Variants in CSMD3 observed in about 807,000 individuals in gnomAD.
CSMD3 encodes the protein CUB and Sushi multiple domains 3, also known as CUB and sushi domain-containing protein 3.
In CSMD3, 177 loss-of-function variants were observed where a neutral mutation model predicts 435.2. That is an observed-to-expected ratio of 0.41 (90% confidence interval 0.36 to 0.46). CSMD3 has a LOEUF of 0.46. Among genes scored for constraint, CSMD3 ranks in the 20% least tolerant of loss-of-function variants. CSMD3 has a pLI of 0.34. For missense variants in CSMD3, 4,265 were observed against 4,504.6 expected, an observed-to-expected ratio of 0.95 and a Z score of 1.52; for synonymous variants, 1,656 against 1,520.5, an observed-to-expected ratio of 1.09 and a Z score of -2.07.
intron 32 of CSMD3, among the ~76,000 whole-genome samples, chr8:112,437,982 C>T (rs765552481): frequency 6.6e-6 from 1 of 152,080 alleles, no homozygotes; most frequent in Non-Finnish European, 1.5e-5. Context: ...TTTGCTGAGT[C>T]TCATCTACCC....
In CSMD3 at chr8:112,313,989, A is replaced by G. The variant is rs1822234368; in HGVS notation, c.7613T>C (p.Ile2538Thr). ...AAATACTTCATGACCATTGCTTGTT[A>G]TATTAAAAGCAGATGAATAATCCCC... is the stretch of plus-strand genomic sequence containing the variant. ...LSGDYSSAFN[I>T]TSNGHEVFLQ... The change falls in exon 49 of 71, where the codon ATA (isoleucine) becomes ACA (threonine). Residue 2538 changes from isoleucine to threonine, a missense_variant. By Grantham distance (89) the Ile-to-Thr change is moderately conservative (BLOSUM62 -1). Around this residue, in one of 3 missense-constraint regions of CSMD3, gnomAD observed 3,255 missense variants for 3,380.2 expected, o/e 0.96. Coordinates refer to ENST00000297405, the MANE Select transcript of CSMD3 (RefSeq NM_198123.2). 1 of 1,611,178 alleles carries G rather than the reference A, an allele frequency of 6.2e-7. No homozygotes were observed. Among genetic ancestry groups the G allele is most frequent in the African/African-American group, 1.3e-5 (1 of 74,984 alleles).
chr8:113,227,762 G>T (rs1276923849), intron 3 of CSMD3, among the ~76,000 whole-genome samples: 1 of 151,618 alleles, frequency 6.6e-6, no homozygotes, highest in African/African-American at 2.4e-5. Flanking sequence ...CAGTCATGTG[G>T]AACTGTGAGT....
intron 4 of CSMD3, among the ~76,000 whole-genome samples, chr8:113,137,447 T>G (rs1307819481): frequency 6.6e-6 from 1 of 151,720 alleles, no homozygotes; most frequent in Non-Finnish European, 1.5e-5. Context: ...CCAATGCAAT[T>G]GTGCTAGCTC....
chr8:112,954,565 T>G (rs572930139), intron 8 of CSMD3, 119 bp downstream of exon 8: 1 of 690,310 alleles, frequency 1.4e-6, no homozygotes. Context: ...GTTACACAGA[T>G]ATTAATGCAG....
At chr8:112,793,324 GAA>G (rs551463701) in intron 13 of CSMD3, among the ~76,000 whole-genome samples, 1 of 148,332 alleles carries the variant, frequency 6.7e-6, no homozygotes, top group Non-Finnish European at 1.5e-5. Context: ...TTCCTTTGCT[GAA>G]AAAAAAAGAG....
intron 20 of CSMD3, among the ~76,000 whole-genome samples, chr8:112,642,981 T>A (rs1055565057): frequency 1.3e-5 from 2 of 152,102 alleles, no homozygotes; most frequent in Non-Finnish European, 2.9e-5. Flanking sequence ...CCAGAGGAAG[T>A]TGATTAGAGT....
chr8:112,749,850 G>A (rs1186968687), intron 13 of CSMD3, among the ~76,000 whole-genome samples: 3 of 138,304 alleles, frequency 2.2e-5, no homozygotes, highest in Non-Finnish European at 4.6e-5. Flanking sequence ...ACCAAAAGAA[G>A]ACTAAAATAT....
At chr8:112,257,946 G>A (rs572576220) in intron 61 of CSMD3, among the ~76,000 whole-genome samples, 7 of 152,062 alleles carry the variant, frequency 4.6e-5, no homozygotes, top group Non-Finnish European at 1.0e-4. Context: ...TAGACCAATG[G>A]AACAGAACAG....
chr8:113,147,324 A>G (rs1023924572), intron 4 of CSMD3, among the ~76,000 whole-genome samples: 2 of 151,908 alleles, frequency 1.3e-5, no homozygotes, highest in Non-Finnish European at 2.9e-5. Context: ...TATATTGCAT[A>G]AAAGTTTTCA....
At chr8:112,730,888 A>G (rs1405717688) in intron 13 of CSMD3, among the ~76,000 whole-genome samples, 4 of 152,150 alleles carry the variant, frequency 2.6e-5, no homozygotes, top group African/African-American at 9.7e-5. Flanking sequence ...ATCCCAGGAA[A>G]CTGTTCACAG....
intron 18 of CSMD3, among the ~76,000 whole-genome samples, chr8:112,655,878 AAAT>A (rs935202507): frequency 3.9e-5 from 6 of 152,030 alleles, no homozygotes; most frequent in Non-Finnish European, 5.9e-5. Context: ...AACTATACAC[AAAT>A]AATTGGTACA....
intron 22 of CSMD3, among the ~76,000 whole-genome samples, chr8:112,608,599 T>TAC (rs1333365779): frequency 4.3e-4 from 65 of 151,724 alleles, no homozygotes; most frequent in African/African-American, 1.2e-3. Context: ...TATATATATA[T>TAC]ACATACACAC....
intron 1 of CSMD3, among the ~76,000 whole-genome samples, chr8:113,421,591 G>A (rs892996854): frequency 2.2e-4 from 33 of 152,004 alleles, no homozygotes; most frequent in African/African-American, 8.0e-4. Flanking sequence ...TGAAAGTTTG[G>A]CACTTTGGTA....
At chr8:113,036,698 T>C (rs976737262) in intron 5 of CSMD3, among the ~76,000 whole-genome samples, 3 of 152,202 alleles carry the variant, frequency 2.0e-5, no homozygotes, top group East Asian at 3.8e-4. Flanking sequence ...GCAAAACCTT[T>C]TGTAAAACTG....
intron 36 of CSMD3, among the ~76,000 whole-genome samples, chr8:112,388,912 T>A (rs527858695): frequency 6.6e-6 from 1 of 152,246 alleles, no homozygotes; most frequent in African/African-American, 2.4e-5. Context: ...TGGATTGAAT[T>A]GCAAGAGGAG....
At chr8:112,435,058 T>C (rs1015798385) in intron 32 of CSMD3, among the ~76,000 whole-genome samples, 3 of 152,026 alleles carry the variant, frequency 2.0e-5, no homozygotes, top group Admixed American at 6.6e-5. Flanking sequence ...ACACTCAGAG[T>C]TGGCAATCAA....
intron 19 of CSMD3, 107 bp from the exon 20 acceptor site, chr8:112,645,332 T>C (rs1225824238): frequency 4.0e-6 from 3 of 746,588 alleles, no homozygotes; most frequent in African/African-American, 3.4e-5. Context: ...TCTTTGCTTA[T>C]GCTACCTCCT....
chr8:112,657,207 C>A (rs546364649), intron 17 of CSMD3, among the ~76,000 whole-genome samples: 1 of 151,864 alleles, frequency 6.6e-6, no homozygotes, highest in Non-Finnish European at 1.5e-5. Context: ...GAATTACAGG[C>A]GTGTGCCACC....
At chr8:112,699,957 C>CGTGT (rs138809387) in intron 13 of CSMD3, among the ~76,000 whole-genome samples, 1 of 151,450 alleles carries the variant, frequency 6.6e-6, no homozygotes. Context: ...AAAACATACA[C>CGTGT]GTGTGTGTGT....
Sources: allele counts gnomAD v4.1 joint callset (sites outside exome capture counted in the v4.1 genomes callset), GRCh38; gene constraint gnomAD v4.1.1; regional missense constraint gnomAD v4.1.1; transcripts MANE v1.5; gene names NCBI Gene and HGNC (gene_info 2026-07-23, HGNC 2026-07-21).